Variants in SIK3 observed in about 807,000 individuals in gnomAD.
The protein encoded by SIK3 is SIK family kinase 3.
A neutral mutation model predicts 144.2 loss-of-function variants in SIK3; 28 were observed. That is an observed-to-expected ratio of 0.19 (90% CI 0.14 to 0.27). SIK3 has a LOEUF of 0.27. SIK3 is among the 10% of genes least tolerant of loss of function. The pLI is 1.00. For missense variants in SIK3, 1,319 were observed against 1,776.0 expected (o/e 0.74, Z 4.62); for synonymous variants, 686 against 676.3 (o/e 1.01, Z -0.22).
chr11:116,968,176 T>G (rs964288375), intron 1 of SIK3, among the ~76,000 whole-genome samples: 2 of 152,242 alleles, frequency 1.3e-5, no homozygotes, highest in Admixed American at 1.3e-4. Flanking sequence ...GGAATCTCGC[T>G]CTGTCTCCCA....
At chr11:117,016,397 A>AGGG in intron 1 of SIK3, among the ~76,000 whole-genome samples, 1 of 96,714 alleles carries the variant, frequency 1.0e-5, no homozygotes, top group African/African-American at 4.6e-5. Flanking sequence ...GGAGGGAGGG[A>AGGG]AGGAAGGAAG....
chr11:116,864,059 G>T, intron 15 of SIK3: 1 of 383,234 alleles, frequency 2.6e-6, no homozygotes, highest in Non-Finnish European at 4.7e-6. Flanking sequence ...TCCAAGCCTG[G>T]TGAGGTCCCG....
intron 1 of SIK3, among the ~76,000 whole-genome samples, chr11:117,016,829 C>T (rs1439483355): frequency 1.3e-5 from 2 of 152,098 alleles, no homozygotes; most frequent in Non-Finnish European, 2.9e-5. Flanking sequence ...TTCTCAGCTG[C>T]AAATTCATAG....
chr11:117,090,632 T>C lies in SIK3; in HGVS notation c.273+7511A>G, dbSNP rs529860435. On this transcript the variant is annotated intron_variant, in intron 1 of 24. Coordinates refer to ENST00000445177, the MANE Select transcript of SIK3 (RefSeq NM_001366686.3). ...TTCCCTAGGAGTTAGCTAGATATAATGACATGAGAAAACTACGTAAGGCAG... is the reference window on the plus strand; with the variant it reads ...TTCCCTAGGAGTTAGCTAGATATAACGACATGAGAAAACTACGTAAGGCAG... Among the ~76,000 whole-genome samples the C allele has an allele frequency of 2.6e-5, 4 of 152,348 alleles. No individual in the cohort carries two copies. The South Asian group carries it at 8.3e-4, about 32-fold the overall frequency.
At chr11:117,018,643 A>G (rs187223346) in intron 1 of SIK3, among the ~76,000 whole-genome samples, 16 of 152,246 alleles carry the variant, frequency 1.1e-4, no homozygotes, top group Admixed American at 3.9e-4. Flanking sequence ...AAGAAATGCT[A>G]TGGCCAGAAC....
rs796797687 is a variant in SIK3, at chr11:116,911,117, G to T, written c.617-13800C>A. Among the ~76,000 whole-genome samples the T allele has an allele frequency of 5.3e-5, 8 of 152,202 alleles. 1 individual carries two copies. Among genetic ancestry groups the T allele is most frequent in the African/African-American group, 1.9e-4 (8 of 41,544 alleles). On this transcript the variant is annotated intron_variant, in intron 4 of 24. Transcript: ENST00000445177. ...CCACTGCACTCCAACCTGGGTGACA[G>T]AGCGAAACCCTGTCTTTTAAAACAA...
intron 1 of SIK3, among the ~76,000 whole-genome samples, chr11:116,998,664 C>A (rs1950751363): frequency 6.6e-6 from 1 of 152,120 alleles, no homozygotes; most frequent in Non-Finnish European, 1.5e-5. Context: ...ATGGCTTTCA[C>A]CATTTCCTCA....
intron 1 of SIK3, among the ~76,000 whole-genome samples, chr11:117,080,025 C>T (rs1285097296): frequency 6.6e-6 from 1 of 151,916 alleles, no homozygotes; most frequent in Non-Finnish European, 1.5e-5. Flanking sequence ...CAGAGTGAGA[C>T]TCCAACTCAA....
intron 1 of SIK3, among the ~76,000 whole-genome samples, chr11:117,017,478 G>T (rs943607440): frequency 6.6e-6 from 1 of 152,026 alleles, no homozygotes; most frequent in African/African-American, 2.4e-5. Context: ...AAAGGTTTTT[G>T]AAAGTGCTAA....
In SIK3 at chr11:117,029,410, T is replaced by C. The variant is rs1301957128; in HGVS notation, c.273+68733A>G. Among the ~76,000 whole-genome samples the C allele has an allele frequency of 2.6e-5, 4 of 152,016 alleles. No individual in the cohort carries two copies. The East Asian group carries it at 5.8e-4, about 22-fold the overall frequency. The stretch of plus-strand genomic sequence containing the variant: ...AGGCAGAGGCTGCAGTGAGCCAAGA[T>C]TGCACCACTGCACTCTAGCCTGAGC... On this transcript the variant is annotated intron_variant, in intron 1 of 24. Transcript: ENST00000445177.
At chr11:116,917,792 G>C (rs150288915) in intron 4 of SIK3, among the ~76,000 whole-genome samples, 181 of 126,644 alleles carry the variant, frequency 1.4e-3, no homozygotes, top group Non-Finnish European at 2.2e-3. Flanking sequence ...AAGAAAAGGA[G>C]AGGACAAGAG....
intron 1 of SIK3, among the ~76,000 whole-genome samples, chr11:117,011,390 T>C (rs186540094): frequency 1.5e-3 from 224 of 152,308 alleles, no homozygotes; most frequent in African/African-American, 5.2e-3. Context: ...TACGATTACA[T>C]TCTTAATTCC....
intron 1 of SIK3, among the ~76,000 whole-genome samples, chr11:116,974,129 A>ATCTGCAATTTT (rs1949865250): frequency 6.6e-6 from 1 of 152,252 alleles, no homozygotes; most frequent in Non-Finnish European, 1.5e-5. Flanking sequence ...TCTGTACTGT[A>ATCTGCAATTTT]TCTGCAATTT....
chr11:117,029,776 A>G (rs1952176001), intron 1 of SIK3, among the ~76,000 whole-genome samples: 1 of 151,990 alleles, frequency 6.6e-6, no homozygotes, highest in Admixed American at 6.6e-5. Context: ...GTGGTTGGAT[A>G]ATGAGTTCAG....
intron 1 of SIK3, among the ~76,000 whole-genome samples, chr11:117,012,826 G>C (rs530273940): frequency 1.1e-4 from 15 of 138,664 alleles, no homozygotes; most frequent in Admixed American, 4.2e-4. Context: ...AAATTCTTAG[G>C]GTTTTTTTTT....
intron 1 of SIK3, among the ~76,000 whole-genome samples, chr11:117,011,048 A>G (rs1186254761): frequency 6.6e-6 from 1 of 152,178 alleles, no homozygotes; most frequent in African/African-American, 2.4e-5. Context: ...TGAGCATGGG[A>G]GGCAGAGGTT....
chr11:117,013,903 GGGGGGGGGGAGGGT>G (rs1394837251), intron 1 of SIK3, among the ~76,000 whole-genome samples: 531 of 52,816 alleles, frequency 0.01, 17 homozygotes, highest in African/African-American at 0.03. Context: ...ATTCTGAGGG[GGGGGGGGGGAGGGT>G]GTGTGTGTGT....
chr11:116,931,833 A>T (rs1947621169), intron 3 of SIK3, among the ~76,000 whole-genome samples: 1 of 152,202 alleles, frequency 6.6e-6, no homozygotes, highest in South Asian at 2.1e-4. Flanking sequence ...CCCCCTAAGC[A>T]GGTTAATAAG....
chr11:116,985,848 G>C (rs1247445686), intron 1 of SIK3, among the ~76,000 whole-genome samples: 1 of 151,978 alleles, frequency 6.6e-6, no homozygotes, highest in Admixed American at 6.6e-5. Flanking sequence ...AAACAAAAAG[G>C]TCCTCATTTT....
Sources: gnomAD v4.1 joint callset for allele counts (sites outside exome capture counted in the v4.1 genomes callset) on GRCh38, gnomAD v4.1.1 for gene constraint, MANE v1.5 for transcripts, NCBI Gene and HGNC (gene_info 2026-07-23, HGNC 2026-07-21) for gene names.